ADGRG4: variants seen among roughly 807,000 people sequenced by gnomAD.
ADGRG4 encodes the protein G protein-coupled receptor 112.
A neutral mutation model predicts 126.2 loss-of-function variants in ADGRG4; 122 were observed. The observed-to-expected ratio is 0.97, with a 90% CI of 0.83 to 1.12. The LOEUF (loss-of-function observed/expected upper bound fraction) is 1.12. ADGRG4 is among the 50% of genes most tolerant of loss of function. The probability of loss-of-function intolerance (pLI) is 0.00; values close to 1 mark genes in which losing one functional copy is unlikely to be tolerated. For synonymous variants in ADGRG4, 943 were observed against 838.7 expected (o/e 1.12, Z -2.15); for missense variants, 2,481 against 2,251.8 (o/e 1.10, Z -2.06).
chrX:136,375,492 A>G (rs2075220078), intron 15 of ADGRG4, among the ~76,000 whole-genome samples: 1 of 112,472 alleles, frequency 8.9e-6, no homozygotes, highest in African/African-American at 3.2e-5. Context: ...ATTAATTTAC[A>G]TTCCCACCAG....
Position 136,323,324 on chromosome X carries a change from T to C in ADGRG4, c.617T>C (p.Val206Ala), listed in dbSNP as rs755748491. Residue 206 changes from valine to alanine, a missense_variant, in exon 5 of 26, where the codon GTT becomes GCT. By Grantham distance (64) the Val-to-Ala change is moderately conservative (BLOSUM62 0). Coordinates refer to ENST00000394143, the MANE Select transcript of ADGRG4 (RefSeq NM_153834.4). ...EFMKCLDGNI[V>A]SWEEDVWLVN... The stretch of plus-strand genomic sequence containing the variant: ...ATGAAGTGTTTAGATGGAAATATAG[T>C]TAGTTGGGAAGAAGACGTCTGGCTT... 4 of 1,207,872 alleles carry C rather than the reference T, an allele frequency of 3.3e-6. No individual in the cohort carries two copies. Among genetic ancestry groups the C allele is most frequent in the Non-Finnish European group, 4.5e-6 (4 of 893,956 alleles).
intron 13 of ADGRG4, among the ~76,000 whole-genome samples, 200 bp from the exon 14 acceptor site, chrX:136,371,128 G>A (rs1331529263): frequency 8.9e-6 from 1 of 111,880 alleles, no homozygotes. Context: ...AACTTTTTAT[G>A]AATAAAAACT....
At position 136,349,948 on chromosome X, in the gene ADGRG4, CT is replaced by C. The variant is rs754143675; in HGVS notation, c.6243del (p.Thr2082LeufsTer11). ...CCTACACCTACACTGGGTGGTATCA[CT>C]ACTGGCTTCCCAACTTCTCTCCCTA... ...TIPTPTLGGI[T>X]TGFPTSLPMS... On this transcript the variant is annotated frameshift_variant, in exon 6 of 26. Coordinates refer to ENST00000394143, the MANE Select transcript of ADGRG4 (RefSeq NM_153834.4). LOFTEE classifies it high-confidence loss of function. The C allele has an allele frequency of 8.3e-7, 1 of 1,210,375 alleles. No individual in the cohort carries two copies. The highest frequency in any genetic ancestry group is 3.0e-5 in the East Asian group (1 of 33,815).
chrX:136,322,437 G>A (rs1415124124), intron 4 of ADGRG4, among the ~76,000 whole-genome samples: 1 of 111,594 alleles, frequency 9.0e-6, no homozygotes, highest in Non-Finnish European at 1.9e-5. Flanking sequence ...ATTCCAAGCT[G>A]CCTTTTCCTT....
chrX:136,392,858 G>A (rs1208226154), intron 17 of ADGRG4, among the ~76,000 whole-genome samples: 1 of 111,901 alleles, frequency 8.9e-6, no homozygotes, highest in African/African-American at 3.2e-5. Context: ...CCAGTGTGAC[G>A]TCTCAATAGA....
chrX:136,305,701 A>G (rs961103936), intron 3 of ADGRG4, among the ~76,000 whole-genome samples: 4 of 112,234 alleles, frequency 3.6e-5, no homozygotes, highest in Non-Finnish European at 7.5e-5. Context: ...TTCTGCTCAT[A>G]GTTCTGAACA....
intron 4 of ADGRG4, 148 bp from the exon 5 acceptor site, chrX:136,322,630 T>A (rs953953296): frequency 2.2e-6 from 1 of 445,228 alleles, no homozygotes; most frequent in Non-Finnish European, 3.7e-6. Context: ...GATGATTTTT[T>A]ACATCTACTA....
chrX:136,416,296 G>A (rs900727607), intron 25 of ADGRG4, among the ~76,000 whole-genome samples, 158 bp from the exon 26 acceptor site: 3 of 111,073 alleles, frequency 2.7e-5, no homozygotes, highest in Non-Finnish European at 3.8e-5. Flanking sequence ...AATTCACCCC[G>A]GATTTTATAT....
intron 5 of ADGRG4, among the ~76,000 whole-genome samples, chrX:136,343,301 T>C (rs936705687): frequency 9.0e-6 from 1 of 110,786 alleles, no homozygotes; most frequent in Non-Finnish European, 1.9e-5. Context: ...GAGAAGCTAA[T>C]GAGTTCAAGT....
chrX:136,347,745 AAC>A lies in ADGRG4; in HGVS notation c.4043_4044del (p.Thr1348SerfsTer31). 2 of 1,210,821 alleles carry A rather than the reference AAC, an allele frequency of 1.7e-6. No homozygotes were observed. The highest frequency in any genetic ancestry group is 3.0e-5 in the East Asian group (1 of 33,824). The stretch of plus-strand genomic sequence containing the variant: ...GATTACACCAACCTTGACCTCAAGT[AAC>A]ACAGTAGGTGTTCACATTCCAGAAA... The part of the protein sequence containing the change: ...TQITPTLTSS[N>X]TVGVHIPEMS... On this transcript the variant is annotated frameshift_variant, in exon 6 of 26. Transcript: ENST00000394143. LOFTEE classifies it high-confidence loss of function.
intron 15 of ADGRG4, among the ~76,000 whole-genome samples, chrX:136,384,738 A>T (rs2075284260): frequency 2.8e-5 from 3 of 107,852 alleles, no homozygotes; most frequent in African/African-American, 6.7e-5. Flanking sequence ...CATTTTAAAG[A>T]TGTCATTTCA....
chrX:136,329,086 A>T (rs1043954975), intron 5 of ADGRG4, among the ~76,000 whole-genome samples: 1 of 111,114 alleles, frequency 9.0e-6, no homozygotes, highest in Admixed American at 9.6e-5. Context: ...TACTCATTTC[A>T]TATTTTTCTA....
At chrX:136,371,092 A>C (rs181740750) in intron 13 of ADGRG4, among the ~76,000 whole-genome samples, 7 of 112,133 alleles carry the variant, frequency 6.2e-5, no homozygotes, top group Non-Finnish European at 1.3e-4. Context: ...TCCCTGGTGC[A>C]TTTGAAAAAG....
chrX:136,385,391 T>C (rs1041913232), intron 15 of ADGRG4, among the ~76,000 whole-genome samples: 1 of 112,267 alleles, frequency 8.9e-6, no homozygotes, highest in African/African-American at 3.2e-5. Context: ...GTTATATACC[T>C]TAAATACACA....
intron 4 of ADGRG4, among the ~76,000 whole-genome samples, chrX:136,318,036 C>T: frequency 1.8e-5 from 2 of 112,331 alleles, no homozygotes. Flanking sequence ...CAATTCTACT[C>T]TTACGTTTAT....
At chrX:136,350,456 G>C in intron 6 of ADGRG4, 23 bp downstream of exon 6, 4 of 1,177,053 alleles carry the variant, frequency 3.4e-6, no homozygotes, top group Non-Finnish European at 4.6e-6. Context: ...AATGCATGTG[G>C]TGTAGCCCCA....
chrX:136,397,234 G>C (rs1230359482), intron 19 of ADGRG4, among the ~76,000 whole-genome samples: 3 of 111,460 alleles, frequency 2.7e-5, no homozygotes, highest in Non-Finnish European at 5.6e-5. Context: ...ATGTCCCTGG[G>C]AGAGGGGTAA....
intron 11 of ADGRG4, among the ~76,000 whole-genome samples, 200 bp from the exon 12 acceptor site, chrX:136,361,255 A>G (rs1448850503): frequency 9.1e-6 from 1 of 109,861 alleles, no homozygotes; most frequent in Non-Finnish European, 1.9e-5. Flanking sequence ...CCATATAATG[A>G]TATTTTCAAT....
chrX:136,348,947 T>C lies in ADGRG4; in HGVS notation c.5241T>C (p.Pro1747=). ...LTDTYSRITV[P]ENMLSPTHAD... ...ATACTTATTCCAGAATCACTGTTCC[T>C]GAAAATATGCTTTCACCTACTCATG... Residue 1747 remains proline (P), a synonymous_variant, in exon 6 of 26, where the codon CCT becomes CCC. Coordinates refer to ENST00000394143, the MANE Select transcript of ADGRG4 (RefSeq NM_153834.4). 2 of 1,209,261 alleles carry C rather than the reference T, an allele frequency of 1.7e-6. No homozygotes were observed. Among genetic ancestry groups the C allele is most frequent in the East Asian group, 3.0e-5 (1 of 33,762 alleles).
Sources: gnomAD v4.1 joint callset for allele counts (sites outside exome capture counted in the v4.1 genomes callset) on GRCh38, gnomAD v4.1.1 for gene constraint, MANE v1.5 for transcripts, NCBI Gene and HGNC (gene_info 2026-07-23, HGNC 2026-07-21) for gene names.